The following CFAP54 variants were observed in gnomAD, a reference collection of about 807,000 sequenced individuals.
CFAP54 encodes the protein cilia and flagella associated protein 54.
Under a neutral mutation model 370.4 loss-of-function variants are expected in CFAP54, and 290 were observed. The ratio of observed to expected loss-of-function variants is 0.78; its 90% confidence interval spans 0.71 to 0.86. CFAP54 has a LOEUF of 0.86. Among genes scored for constraint, CFAP54 ranks in the 40% least tolerant of loss-of-function variants. The pLI is 0.00. For missense variants in CFAP54, 3,399 were observed against 3,528.7 expected (o/e 0.96, Z 0.93); for synonymous variants, 1,206 against 1,236.5 (o/e 0.98, Z 0.52).
At chr12:96,688,767 A>C (rs1483002153) in intron 42 of CFAP54, 149 bp from the exon 43 acceptor site, 1 of 464,282 alleles carries the variant, frequency 2.2e-6, no homozygotes, top group African/African-American at 2.1e-5. Flanking sequence ...TATCTTCTTT[A>C]ATATATTTTC....
intron 15 of CFAP54, among the ~76,000 whole-genome samples, chr12:96,548,731 T>C (rs1955665149): frequency 6.6e-6 from 1 of 152,218 alleles, no homozygotes; most frequent in East Asian, 1.9e-4. Context: ...GCATAATAGC[T>C]GTCTGCCAAT....
intron 22 of CFAP54, among the ~76,000 whole-genome samples, chr12:96,583,708 T>C (rs1010229166): frequency 6.6e-6 from 1 of 152,198 alleles, no homozygotes; most frequent in Non-Finnish European, 1.5e-5. Flanking sequence ...CCAAGGTTGC[T>C]CAGGTAGCAG....
At chr12:96,717,466 C>T (rs1307255860) in intron 48 of CFAP54, among the ~76,000 whole-genome samples, 2 of 152,164 alleles carry the variant, frequency 1.3e-5, no homozygotes, top group East Asian at 1.9e-4. Flanking sequence ...TTTCTTTGTA[C>T]TTAACAAACT....
chr12:96,634,961 C>A (rs1261515426), intron 32 of CFAP54, among the ~76,000 whole-genome samples: 1 of 152,132 alleles, frequency 6.6e-6, no homozygotes, highest in Non-Finnish European at 1.5e-5. Context: ...CTGCCAATAC[C>A]ACATTCCCTT....
intron 63 of CFAP54, among the ~76,000 whole-genome samples, chr12:96,808,411 T>C (rs1958902349): frequency 1.3e-5 from 2 of 152,140 alleles, no homozygotes; most frequent in African/African-American, 4.8e-5. Flanking sequence ...AAGGGTGTAT[T>C]AGAGGTTCTA....
chr12:96,513,030 G>T lies in CFAP54; in HGVS notation c.784G>T (p.Gly262Cys). The T allele has an allele frequency of 2.0e-6, 3 of 1,514,760 alleles. No individual in the cohort carries two copies. The highest frequency in any genetic ancestry group is 2.6e-6 in the Non-Finnish European group (3 of 1,135,824). The allele number at this position is 1,514,760 out of a possible 1,614,324, so 93.8% of individuals were successfully genotyped here. ...CATTTGCAGAAAACTGATGGTCATAGGTCAGTCTTCCAAGGTATGAAATGT... is the reference window on the plus strand; with the variant it reads ...CATTTGCAGAAAACTGATGGTCATATGTCAGTCTTCCAAGGTATGAAATGT... ...YTICRKLMVI[G>C]QSSKALEYLL... is the part of the protein sequence containing the mutation. Residue 262 changes from glycine (G) to cysteine (C), a missense_variant, in exon 5 of 68, where the codon GGT becomes TGT. Gly to Cys is a radical substitution (Grantham distance 159). Around this residue, in one of 3 missense-constraint regions of CFAP54, gnomAD observed 559 missense variants for 576.7 expected, o/e 0.97. Coordinates refer to ENST00000524981, the MANE Select transcript of CFAP54 (RefSeq NM_001306084.2).
chr12:96,561,308 C>T (rs1565897139), intron 17 of CFAP54, among the ~76,000 whole-genome samples: 1 of 152,186 alleles, frequency 6.6e-6, no homozygotes, highest in East Asian at 1.9e-4. Flanking sequence ...TCCACAAGTT[C>T]TCTCTCTGCC....
intron 33 of CFAP54, among the ~76,000 whole-genome samples, chr12:96,647,604 A>C (rs1324333765): frequency 1.3e-5 from 2 of 151,640 alleles, no homozygotes; most frequent in Admixed American, 1.3e-4. Flanking sequence ...TTCAGAGCTC[A>C]CAGAGCCGGC....
intron 55 of CFAP54, among the ~76,000 whole-genome samples, chr12:96,752,128 G>GAGAGAGAGAA (rs1958193296): frequency 6.8e-6 from 1 of 147,862 alleles, no homozygotes; most frequent in South Asian, 2.1e-4. Flanking sequence ...GAGAGAGAGA[G>GAGAGAGAGAA]AGAGATTGAG....
At chr12:96,629,922 G>A (rs932044070) in intron 30 of CFAP54, among the ~76,000 whole-genome samples, 171 bp from the exon 31 acceptor site, 1 of 152,172 alleles carries the variant, frequency 6.6e-6, no homozygotes, top group Non-Finnish European at 1.5e-5. Flanking sequence ...TCTTTTGAGA[G>A]ACCAGCTATT....
intron 55 of CFAP54, among the ~76,000 whole-genome samples, chr12:96,745,971 G>A (rs10777811): frequency 9.9e-5 from 15 of 151,890 alleles, no homozygotes; most frequent in African/African-American, 3.4e-4. Context: ...GTGGGAAAAC[G>A]GTGTATCAGC....
intron 63 of CFAP54, among the ~76,000 whole-genome samples, chr12:96,808,310 C>G (rs547526299): frequency 6.6e-6 from 1 of 152,202 alleles, no homozygotes; most frequent in East Asian, 1.9e-4. Flanking sequence ...AAATTCCTTC[C>G]CCTCTCTCTA....
chr12:96,868,886 A>T (rs1453854163), intron 67 of CFAP54, among the ~76,000 whole-genome samples: 1 of 152,170 alleles, frequency 6.6e-6, no homozygotes, highest in Non-Finnish European at 1.5e-5. Context: ...ACAGCATTTT[A>T]AGGGAAAAAC....
chr12:96,560,748 T>A (rs1798250908), intron 17 of CFAP54, among the ~76,000 whole-genome samples: 1 of 152,192 alleles, frequency 6.6e-6, no homozygotes, highest in Non-Finnish European at 1.5e-5. Context: ...TAAATGTCCC[T>A]CTCCCCTTTG....
At position 96,839,916 on chromosome 12, in the gene CFAP54, G is replaced by A. The variant is rs190477654; in HGVS notation, c.9171+10828G>A. 2.0e-3 allele frequency among the ~76,000 whole-genome samples: 302 copies of A among 152,284 alleles called. 1 individual carries two copies. The highest frequency in any genetic ancestry group is 3.4e-3 in the Middle Eastern group (1 of 294). On this transcript the variant is annotated intron_variant, in intron 66 of 67. Coordinates refer to ENST00000524981, the MANE Select transcript of CFAP54 (RefSeq NM_001306084.2). Reference sequence around the variant, plus strand: ...GGCCTCCTCACAACATGGTAGTAGGGTTTCAAGAGTGAGCCTCACAAGAGA... The same window carrying A: ...GGCCTCCTCACAACATGGTAGTAGGATTTCAAGAGTGAGCCTCACAAGAGA...
chr12:96,594,806 T>C (rs151298499), intron 25 of CFAP54, among the ~76,000 whole-genome samples: 1 of 152,078 alleles, frequency 6.6e-6, no homozygotes, highest in African/African-American at 2.4e-5. Flanking sequence ...AAAAACATGG[T>C]GGGAGACCCA....
At chr12:96,584,615 C>G (rs983850226) in intron 22 of CFAP54, among the ~76,000 whole-genome samples, 1 of 150,826 alleles carries the variant, frequency 6.6e-6, no homozygotes, top group East Asian at 1.9e-4. Flanking sequence ...TGCTAGATGT[C>G]ATCACTTCAT....
chr12:96,771,605 T>TAGC (rs1199367870), intron 60 of CFAP54, among the ~76,000 whole-genome samples: 1 of 152,062 alleles, frequency 6.6e-6, no homozygotes, highest in Non-Finnish European at 1.5e-5. Context: ...TGAGCCGAGA[T>TAGC]AGCGCCACTG....
intron 17 of CFAP54, among the ~76,000 whole-genome samples, chr12:96,563,852 A>G (rs996260251): frequency 6.6e-6 from 1 of 152,216 alleles, no homozygotes; most frequent in African/African-American, 2.4e-5. Flanking sequence ...TCCCTGGGCT[A>G]GTATAGTTGT....
Sources: gnomAD v4.1 joint callset for allele counts (sites outside exome capture counted in the v4.1 genomes callset) on GRCh38, gnomAD v4.1.1 for gene constraint, gnomAD v4.1.1 regional missense constraint, MANE v1.5 for transcripts, NCBI Gene and HGNC (gene_info 2026-07-23, HGNC 2026-07-21) for gene names.